GABRA3: variants seen among roughly 807,000 people sequenced by gnomAD.
GABRA3 encodes the protein gamma-aminobutyric acid type A receptor subunit alpha3.
GABRA3 carries 10 observed loss-of-function variants against 30.1 expected under a neutral mutation model. That is an observed-to-expected ratio of 0.33 (90% confidence interval 0.20 to 0.56). The LOEUF (loss-of-function observed/expected upper bound fraction) is 0.56, where lower values mean the gene tolerates loss of function less well. Among genes scored for constraint, GABRA3 ranks in the 20% least tolerant of loss-of-function variants. The pLI is 0.89. For missense variants in GABRA3, 233 were observed against 392.0 expected, an observed-to-expected ratio of 0.59 and a Z score of 3.42; for synonymous variants, 151 against 146.8, an observed-to-expected ratio of 1.03 and a Z score of -0.21.
At chrX:152,412,930 A>G (rs1930109093) in intron 1 of GABRA3, among the ~76,000 whole-genome samples, 1 of 111,451 alleles carries the variant, frequency 9.0e-6, no homozygotes, top group Non-Finnish European at 1.9e-5. Flanking sequence ...GAGAGAAAAG[A>G]GCAGAAAGAA....
chrX:152,353,520 G>C (rs79045026), intron 2 of GABRA3, among the ~76,000 whole-genome samples: 42 of 111,433 alleles, frequency 3.8e-4, no homozygotes, highest in East Asian at 2.9e-4. Context: ...GCCAATGCAT[G>C]AGCACTATTT....
chrX:152,325,968 C>T (rs1048773826), intron 3 of GABRA3, among the ~76,000 whole-genome samples: 13 of 110,710 alleles, frequency 1.2e-4, no homozygotes, highest in Non-Finnish European at 1.5e-4. Context: ...AAAGATTAGG[C>T]GAATGGCTAA....
At chrX:152,352,825 G>GA (rs778142901) in intron 2 of GABRA3, among the ~76,000 whole-genome samples, 1 of 111,252 alleles carries the variant, frequency 9.0e-6, no homozygotes, top group South Asian at 3.8e-4. Flanking sequence ...ATCTGTTCCT[G>GA]ATATACTTTT....
At chrX:152,395,296 G>A (rs947486000) in intron 1 of GABRA3, among the ~76,000 whole-genome samples, 5 of 111,491 alleles carry the variant, frequency 4.5e-5, no homozygotes, top group African/African-American at 1.6e-4. Flanking sequence ...TACCCATTCT[G>A]CAGGAGCCAG....
chrX:152,236,090 C>T (rs1389411768), intron 5 of GABRA3, among the ~76,000 whole-genome samples: 1 of 91,895 alleles, frequency 1.1e-5, no homozygotes, highest in African/African-American at 4.0e-5. Flanking sequence ...GTGCGCTGCA[C>T]CCACTAACTC....
chrX:152,314,157 A>G (rs1364754198), intron 3 of GABRA3, among the ~76,000 whole-genome samples: 1 of 111,737 alleles, frequency 8.9e-6, no homozygotes, highest in Non-Finnish European at 1.9e-5. Flanking sequence ...TGCTAACACA[A>G]TCAGAGTATT....
intron 4 of GABRA3, among the ~76,000 whole-genome samples, chrX:152,267,755 A>C (rs1373152719): frequency 9.0e-6 from 1 of 111,114 alleles, no homozygotes; most frequent in African/African-American, 3.3e-5. Context: ...GTGTCAAGGA[A>C]TGTATCCATT....
chrX:152,340,618 T>C (rs1460102805), intron 3 of GABRA3, among the ~76,000 whole-genome samples: 1 of 112,329 alleles, frequency 8.9e-6, no homozygotes, highest in East Asian at 2.8e-4. Context: ...AATCCTAGGA[T>C]GGCTTTTGTT....
intron 9 of GABRA3, among the ~76,000 whole-genome samples, chrX:152,177,290 C>T (rs956232969): frequency 9.0e-6 from 1 of 111,348 alleles, no homozygotes; most frequent in Admixed American, 9.6e-5. Context: ...TTCCCATGAA[C>T]AGGAGTTCCT....
chrX:152,321,875 C>T (rs1905033653), intron 3 of GABRA3, among the ~76,000 whole-genome samples: 1 of 110,293 alleles, frequency 9.1e-6, no homozygotes, highest in South Asian at 3.9e-4. Flanking sequence ...CCTACTCTCT[C>T]CTCTCTTCTC....
chrX:152,241,877 C>T (rs376371819), intron 5 of GABRA3, among the ~76,000 whole-genome samples: 32 of 111,639 alleles, frequency 2.9e-4, no homozygotes, highest in East Asian at 8.6e-4. Context: ...ACACGGTGCG[C>T]GCACCCACTG....
At chrX:152,442,548 T>TA (rs1930960541) in intron 1 of GABRA3, among the ~76,000 whole-genome samples, 1 of 111,489 alleles carries the variant, frequency 9.0e-6, no homozygotes, top group Non-Finnish European at 1.9e-5. Context: ...ATTAAGAGCA[T>TA]AAAATAAATG....
chrX:152,368,126 T>G (rs1281949813), intron 1 of GABRA3, among the ~76,000 whole-genome samples: 1 of 111,858 alleles, frequency 8.9e-6, no homozygotes, highest in Admixed American at 9.5e-5. Flanking sequence ...CCCCTGCTCA[T>G]AATCCTCCCA....
At chrX:152,273,235 G>A (rs1938979860) in intron 4 of GABRA3, among the ~76,000 whole-genome samples, 1 of 112,149 alleles carries the variant, frequency 8.9e-6, no homozygotes, top group African/African-American at 3.2e-5. Flanking sequence ...AAACCACAAC[G>A]AGATAGCACC....
At position 152,168,228 on chromosome X, in the gene GABRA3, C is replaced by T. The variant is rs1388710614; in HGVS notation, c.1479G>A (p.Ter493=). The T allele has an allele frequency of 8.3e-7, 1 of 1,204,889 alleles. No individual in the cohort carries two copies. Among genetic ancestry groups the T allele is most frequent in the African/African-American group, 1.8e-5 (1 of 57,064 alleles). The part of the protein sequence containing the change: ...SAIKGMIRKQ[*] ...CTGGTTGCTGCACTGCCACCACTATCTACTGTTTGCGGATCATGCCCTTGA... is the reference window on the plus strand; with the variant it reads ...CTGGTTGCTGCACTGCCACCACTATTTACTGTTTGCGGATCATGCCCTTGA... The change falls in exon 10 of 10, where the codon TAG becomes TAA. Residue 493 remains the stop codon, a stop_retained_variant. Coordinates refer to ENST00000370314, the MANE Select transcript of GABRA3 (RefSeq NM_000808.4).
intron 3 of GABRA3, among the ~76,000 whole-genome samples, chrX:152,336,967 A>G (rs1333628004): frequency 9.0e-6 from 1 of 111,478 alleles, no homozygotes; most frequent in Non-Finnish European, 1.9e-5. Context: ...CATCCATTAA[A>G]AAGATACAAG....
At chrX:152,409,764 A>T (rs1293761907) in intron 1 of GABRA3, among the ~76,000 whole-genome samples, 1 of 112,284 alleles carries the variant, frequency 8.9e-6, no homozygotes. Flanking sequence ...TGTTGGTGGA[A>T]AGGTAAATTA....
intron 5 of GABRA3, among the ~76,000 whole-genome samples, chrX:152,237,611 A>G (rs1938252818): frequency 9.3e-6 from 1 of 107,051 alleles, no homozygotes; most frequent in African/African-American, 3.5e-5. Flanking sequence ...CACGATATTG[A>G]TTCTTCCTAC....
chrX:152,405,221 G>C (rs915551331), intron 1 of GABRA3, among the ~76,000 whole-genome samples: 7 of 103,383 alleles, frequency 6.8e-5, no homozygotes, highest in African/African-American at 2.5e-4. Flanking sequence ...CCCTGTCACA[G>C]TGGAACATAA....
Sources: allele counts gnomAD v4.1 joint callset (sites outside exome capture counted in the v4.1 genomes callset), GRCh38; gene constraint gnomAD v4.1.1; transcripts MANE v1.5; gene names NCBI Gene and HGNC (gene_info 2026-07-23, HGNC 2026-07-21).